The following AGBL3 variants were observed in gnomAD, a reference collection of about 807,000 sequenced individuals.
The protein encoded by AGBL3 is AGBL carboxypeptidase 3.
AGBL3 carries 68 observed loss-of-function variants against 94.5 expected under a neutral mutation model. The observed-to-expected ratio is 0.72, with a 90% CI of 0.59 to 0.88. AGBL3 has a LOEUF of 0.88. AGBL3 is among the 40% of genes least tolerant of loss of function. The pLI is 0.00. For missense variants in AGBL3, 934 were observed against 1,103.8 expected, an observed-to-expected ratio of 0.85 and a Z score of 2.18; for synonymous variants, 354 against 370.7, an observed-to-expected ratio of 0.95 and a Z score of 0.52.
intron 8 of AGBL3, among the ~76,000 whole-genome samples, chr7:135,038,777 C>T (rs1343366300): frequency 2.0e-5 from 3 of 152,058 alleles, no homozygotes; most frequent in South Asian, 4.1e-4. Context: ...CTGGCTAACA[C>T]AGTGAAACCC....
rs559110947 is a variant in AGBL3 at position 135,070,452 on chromosome 7, T to C, written c.1909-5945T>C. Among the ~76,000 whole-genome samples the C allele has an allele frequency of 7.1e-3, 1,087 of 152,326 alleles. 8 individuals are homozygous for C. The highest frequency in any genetic ancestry group is 0.012 in the Non-Finnish European group (795 of 68,028). ...GAGAATTTTAGACCAATATCCTTGA[T>C]GAACATTGATACAAAAATCCTCAAT... On this transcript the variant is annotated intron_variant, in intron 12 of 16. Transcript: ENST00000436302.
In AGBL3 at chr7:135,048,331, T is replaced by TCATG. The variant is rs530233523; in HGVS notation, c.1841+2421_1841+2424dup. ...CTCAGGATTGATTTGATGTGGCTATTCATGGTCTTTGGTGTTTCCATATGA... is the reference window on the plus strand; with the variant it reads ...CTCAGGATTGATTTGATGTGGCTATTCATGCATGGTCTTTGGTGTTTCCATATGA... On this transcript the variant is annotated intron_variant, in intron 11 of 16. Coordinates refer to ENST00000436302, the MANE Select transcript of AGBL3 (RefSeq NM_178563.4). Among the ~76,000 whole-genome samples the TCATG allele has an allele frequency of 2.3e-3, 352 of 152,000 alleles. 1 individual carries two copies. Among genetic ancestry groups the TCATG allele is most frequent in the African/African-American group, 7.8e-3 (323 of 41,526 alleles).
Position 135,115,521 on chromosome 7 carries a change from T to G in AGBL3, c.2252T>G (p.Leu751Trp). 1 of 1,551,508 alleles carries G rather than the reference T, an allele frequency of 6.4e-7. No individual in the cohort carries two copies. Among genetic ancestry groups the G allele is most frequent in the Non-Finnish European group, 8.7e-7 (1 of 1,146,854 alleles). Residue 751 changes from leucine (L) to tryptophan (W), a missense_variant, in exon 16 of 17, where the codon TTG (leucine) becomes TGG (tryptophan). Transcript: ENST00000436302. Reference sequence around the variant, plus strand: ...CAAACTCAAGAAATATTGCAGTATTTGCTCCCCATCGTGCATAGCACTAAA... The same window carrying G: ...CAAACTCAAGAAATATTGCAGTATTGGCTCCCCATCGTGCATAGCACTAAA... ...IVQTQEILQYLLPIVHSTKNM... is the reference protein window; with the variant it reads ...IVQTQEILQYWLPIVHSTKNM...
chr7:135,023,843 C>T (rs570876245), intron 5 of AGBL3, among the ~76,000 whole-genome samples: 29 of 152,236 alleles, frequency 1.9e-4, no homozygotes, highest in Non-Finnish European at 3.7e-4. Context: ...AACCTGGGTG[C>T]TTTGCTGGTG....
chr7:135,045,078 G>A (rs1236212725), intron 9 of AGBL3, among the ~76,000 whole-genome samples: 1 of 151,830 alleles, frequency 6.6e-6, no homozygotes, highest in Non-Finnish European at 1.5e-5. Context: ...ATTCCATGGT[G>A]TATATGTGCC....
At chr7:135,004,559 A>T (rs1812144616) in intron 4 of AGBL3, among the ~76,000 whole-genome samples, 1 of 151,656 alleles carries the variant, frequency 6.6e-6, no homozygotes, top group Admixed American at 6.6e-5. Context: ...GAATATTGTT[A>T]TTATAAAACT....
intron 15 of AGBL3, among the ~76,000 whole-genome samples, chr7:135,089,448 T>A (rs564279796): frequency 1.3e-5 from 2 of 152,350 alleles, no homozygotes; most frequent in South Asian, 2.1e-4. Flanking sequence ...TGTCCCTGCA[T>A]TGATGCCTGT....
intron 4 of AGBL3, among the ~76,000 whole-genome samples, chr7:134,999,210 T>C (rs1341018416): frequency 6.6e-6 from 1 of 152,198 alleles, no homozygotes; most frequent in African/African-American, 2.4e-5. Context: ...CCTTTTACAG[T>C]ATTCTAAGCA....
chr7:135,017,377 T>A (rs1813922800), intron 5 of AGBL3, among the ~76,000 whole-genome samples: 1 of 152,246 alleles, frequency 6.6e-6, no homozygotes, highest in African/African-American at 2.4e-5. Context: ...AAATTAAACA[T>A]CATGTTGGCC....
chr7:134,989,744 G>A (rs1441258331), intron 3 of AGBL3, among the ~76,000 whole-genome samples: 3 of 151,892 alleles, frequency 2.0e-5, no homozygotes, highest in African/African-American at 7.2e-5. Context: ...ACTTAGAATT[G>A]TACTTTCAAA....
intron 11 of AGBL3, among the ~76,000 whole-genome samples, chr7:135,054,739 T>G (rs976575428): frequency 5.3e-5 from 8 of 152,208 alleles, no homozygotes; most frequent in African/African-American, 1.9e-4. Flanking sequence ...AAAATATGCA[T>G]GCACACATAT....
rs1252776735 is a variant in AGBL3 at position 135,096,588 on chromosome 7, G to GATAGATAGATAC, written c.2110+14809_2110+14810insCATAGATAGATA. 2.2e-4 allele frequency among the ~76,000 whole-genome samples: 26 copies of GATAGATAGATAC among 120,306 alleles called. 1 individual carries two copies. Among genetic ancestry groups the GATAGATAGATAC allele is most frequent in the Admixed American group, 5.1e-4 (6 of 11,778 alleles). 78.9% of individuals were successfully genotyped at this position (120,306 alleles called of 152,430 possible). On this transcript the variant is annotated intron_variant, in intron 15 of 16. Transcript: ENST00000436302. Reference sequence around the variant, plus strand: ...AGATAGATAGATAGATAGATACATAGATAGATAGATAGATAGATAGATAGA... The same window carrying GATAGATAGATAC: ...AGATAGATAGATAGATAGATACATAGATAGATAGATACATAGATAGATAGATAGATAGATAGA...
At chr7:135,096,558 A>AAGAAAGATAGATAGAT (rs1303741491) in intron 15 of AGBL3, among the ~76,000 whole-genome samples, 25 of 79,746 alleles carry the variant, frequency 3.1e-4, no homozygotes, top group East Asian at 9.2e-4. Context: ...GAAAGAAAGA[A>AAGAAAGATAGATAGAT]AGATAGATAG....
chr7:135,034,084 G>GT lies in AGBL3; in HGVS notation c.558-59dup, dbSNP rs1356760306. On this transcript the variant is annotated intron_variant, in intron 6 of 16. Coordinates refer to ENST00000436302, the MANE Select transcript of AGBL3 (RefSeq NM_178563.4). ...TTATTTAACTCAAAATTTTACATTG[G>GT]TTTTTTACAAAATGTCATTTTTACA... is the stretch of plus-strand genomic sequence containing the variant. The GT allele has an allele frequency of 1.2e-4, 152 of 1,299,714 alleles. No individual in the cohort carries two copies. The East Asian group carries it at 4.2e-3, about 36-fold the overall frequency. The allele number at this position is 1,299,714 out of a possible 1,614,324, so 80.5% of individuals were successfully genotyped here. A position where few individuals can be genotyped will look rare whatever the true frequency, so the allele number is the denominator to read the frequency against.
At chr7:135,072,694 C>T (rs1211401438) in intron 12 of AGBL3, among the ~76,000 whole-genome samples, 2 of 145,618 alleles carry the variant, frequency 1.4e-5, no homozygotes, top group Non-Finnish European at 3.0e-5. Context: ...TGTTCTCACT[C>T]ATAGGTGGGA....
chr7:135,000,367 A>G (rs1309195589), intron 4 of AGBL3, among the ~76,000 whole-genome samples: 5 of 152,192 alleles, frequency 3.3e-5, no homozygotes, highest in African/African-American at 1.2e-4. Flanking sequence ...TCACCAATAT[A>G]AGGAGGTGGG....
chr7:135,130,333 C>T (rs527430036), intron 16 of AGBL3, among the ~76,000 whole-genome samples: 1 of 152,186 alleles, frequency 6.6e-6, no homozygotes, highest in Non-Finnish European at 1.5e-5. Flanking sequence ...CGCTATGGGG[C>T]ACTTGATATT....
chr7:135,111,047 TCCTA>T (rs762391801), intron 15 of AGBL3, among the ~76,000 whole-genome samples: 2 of 152,186 alleles, frequency 1.3e-5, no homozygotes, highest in African/African-American at 4.8e-5. Context: ...CCTCTCTCTC[TCCTA>T]CCTAACATCT....
chr7:135,036,153 C>T (rs1314194185), intron 7 of AGBL3, among the ~76,000 whole-genome samples: 2 of 151,930 alleles, frequency 1.3e-5, no homozygotes, highest in Admixed American at 6.5e-5. Flanking sequence ...TGGTGTTTAT[C>T]TTTCCAGATA....
Sources: gnomAD v4.1 joint callset for allele counts (sites outside exome capture counted in the v4.1 genomes callset) on GRCh38, gnomAD v4.1.1 for gene constraint, MANE v1.5 for transcripts, NCBI Gene and HGNC (gene_info 2026-07-23, HGNC 2026-07-21) for gene names.